Variants in ANKRD30BL observed in about 807,000 individuals in gnomAD.
ANKRD30BL encodes putative ankyrin repeat domain-containing protein 30B-like.
A neutral mutation model predicts 18.4 loss-of-function variants in ANKRD30BL; 20 were observed. The ratio of observed to expected loss-of-function variants is 1.09; its 90% CI spans 0.77 to 1.58. The LOEUF is 1.58. ANKRD30BL is among the 40% of genes most tolerant of loss of function. ANKRD30BL has a pLI of 0.00. For synonymous variants in ANKRD30BL, 72 were observed against 100.9 expected, an observed-to-expected ratio of 0.71 and a Z score of 1.72; for missense variants, 224 against 268.6, an observed-to-expected ratio of 0.83 and a Z score of 1.16.
intron 1 of ANKRD30BL, among the ~76,000 whole-genome samples, chr2:132,245,473 A>G (rs1036196727): frequency 2.5e-4 from 38 of 151,148 alleles, no homozygotes; most frequent in Non-Finnish European, 1.8e-4. Context: ...AAGCATTCTC[A>G]GAAACTGCTT....
chr2:132,187,191 T>TTG (rs1688579224), intron 1 of ANKRD30BL, among the ~76,000 whole-genome samples: 1 of 135,946 alleles, frequency 7.4e-6, no homozygotes, highest in Non-Finnish European at 1.6e-5. Flanking sequence ...TTTGTTTGTT[T>TTG]TTTTTTTTTT....
chr2:132,154,057 A>T (rs1475130760), intron 4 of ANKRD30BL, among the ~76,000 whole-genome samples: 1 of 152,156 alleles, frequency 6.6e-6, no homozygotes, highest in Non-Finnish European at 1.5e-5. Flanking sequence ...AGCAATCTGA[A>T]GACTTAAAAC....
chr2:132,221,593 T>G (rs1488060591), intron 1 of ANKRD30BL, among the ~76,000 whole-genome samples: 2 of 96,042 alleles, frequency 2.1e-5, no homozygotes. Flanking sequence ...GGGAGGGAGG[T>G]GGGGGGATCA....
At chr2:132,157,216 C>T in intron 2 of ANKRD30BL, 70 bp from the exon 3 acceptor site, 1 of 1,150,938 alleles carries the variant, frequency 8.7e-7, no homozygotes, top group Non-Finnish European at 1.2e-6. Context: ...ACAGGTTTCA[C>T]AAACCAGTTA....
intron 1 of ANKRD30BL, among the ~76,000 whole-genome samples, chr2:132,186,033 C>T (rs1432062814): frequency 6.6e-6 from 1 of 151,130 alleles, no homozygotes; most frequent in African/African-American, 2.4e-5. Context: ...CCCACCTGCT[C>T]GGGAGGCTGA....
At chr2:132,174,221 A>G (rs867417092) in intron 1 of ANKRD30BL, among the ~76,000 whole-genome samples, 1 of 152,244 alleles carries the variant, frequency 6.6e-6, no homozygotes, top group African/African-American at 2.4e-5. Context: ...GTAGGCTTTC[A>G]TGAAATGATT....
At chr2:132,170,849 T>G (rs959637500) in intron 1 of ANKRD30BL, among the ~76,000 whole-genome samples, 3 of 152,108 alleles carry the variant, frequency 2.0e-5, no homozygotes, top group African/African-American at 7.2e-5. Flanking sequence ...AACTTTTTCT[T>G]TTTTTTGATT....
At chr2:132,152,664 G>A (rs565019471) in intron 4 of ANKRD30BL, 1 of 152,240 alleles carries the variant, frequency 6.6e-6, no homozygotes, top group East Asian at 1.9e-4. Flanking sequence ...TAAAGGGCCA[G>A]GGATATAGAT....
chr2:132,236,505 C>G (rs1321117032), intron 1 of ANKRD30BL, among the ~76,000 whole-genome samples: 3 of 151,994 alleles, frequency 2.0e-5, no homozygotes, highest in African/African-American at 2.4e-5. Flanking sequence ...ATTTATGCAG[C>G]CAAAAAACAC....
chr2:132,224,258 G>A (rs1426037454), intron 1 of ANKRD30BL, among the ~76,000 whole-genome samples: 1 of 151,704 alleles, frequency 6.6e-6, no homozygotes, highest in Non-Finnish European at 1.5e-5. Flanking sequence ...GAATCTGCAA[G>A]TGGACATTTG....
chr2:132,198,622 C>CT (rs1198235501), intron 1 of ANKRD30BL, among the ~76,000 whole-genome samples: 1,518 of 138,040 alleles, frequency 0.011, 21 homozygotes, highest in African/African-American at 0.034. Context: ...AGCGCCCAGC[C>CT]TTTTTTTTTT....
chr2:132,195,332 A>G (rs1217676111), intron 1 of ANKRD30BL, among the ~76,000 whole-genome samples: 1 of 152,158 alleles, frequency 6.6e-6, no homozygotes, highest in African/African-American at 2.4e-5. Context: ...GTGCAAAAAT[A>G]TTACAAAACA....
At chr2:132,222,319 C>T (rs570161940) in intron 1 of ANKRD30BL, among the ~76,000 whole-genome samples, 3 of 152,268 alleles carry the variant, frequency 2.0e-5, no homozygotes, top group South Asian at 2.1e-4. Context: ...CCGGCCATGA[C>T]CCCGTCTGGG....
Position 132,212,754 on chromosome 2 carries a change from T to G in ANKRD30BL, n.441+44775A>C, listed in dbSNP as rs186076423. Among the ~76,000 whole-genome samples, 658 of 152,074 alleles carry G rather than the reference T, an allele frequency of 4.3e-3. 5 individuals are homozygous for G. Among genetic ancestry groups the G allele is most frequent in the African/African-American group, 0.014 (601 of 41,552 alleles). On this transcript the variant is annotated intron_variant and non_coding_transcript_variant, in intron 1 of 4. Coordinates refer to the ANKRD30BL transcript ENST00000470729. ...TCTTTGAAAAACTCTTTTTGTAGAC[T>G]CTGCAAGTGGACATTTGGAGCTCTT...
At chr2:132,198,343 A>T (rs868798963) in intron 1 of ANKRD30BL, among the ~76,000 whole-genome samples, 1,742 of 34,670 alleles carry the variant, frequency 0.05, 129 homozygotes, top group African/African-American at 0.15. Context: ...TTTTTTTTTT[A>T]GACAGAGTCT....
At chr2:132,194,135 C>T (rs1452454614) in intron 1 of ANKRD30BL, among the ~76,000 whole-genome samples, 1 of 152,156 alleles carries the variant, frequency 6.6e-6, no homozygotes, top group Non-Finnish European at 1.5e-5. Context: ...CTCCCCCTCA[C>T]ACGACTGGGC....
chr2:132,180,816 T>C (rs917515557), intron 1 of ANKRD30BL, among the ~76,000 whole-genome samples: 11 of 152,196 alleles, frequency 7.2e-5, no homozygotes, highest in African/African-American at 2.7e-4. Flanking sequence ...TCAAAAATCT[T>C]TAACATAAAA....
Position 132,239,412 on chromosome 2 carries a change from G to C in ANKRD30BL, n.441+18117C>G, listed in dbSNP as rs577178130. ...CAGTTTTGAAACACTCTTTTTGTAGGATCTGTAAGTGGAATCTTGAATCGC... is the reference window on the plus strand; with the variant it reads ...CAGTTTTGAAACACTCTTTTTGTAGCATCTGTAAGTGGAATCTTGAATCGC... On this transcript the variant is annotated intron_variant and non_coding_transcript_variant, in intron 1 of 4. Coordinates refer to the ANKRD30BL transcript ENST00000470729. Among the ~76,000 whole-genome samples, 10 of 150,956 alleles carry C rather than the reference G, an allele frequency of 6.6e-5. No individual in the cohort carries two copies. In the South Asian group the frequency reaches 2.1e-3, roughly 32 times the overall value.
intron 1 of ANKRD30BL, among the ~76,000 whole-genome samples, chr2:132,220,819 C>A (rs1354212535): frequency 6.6e-6 from 1 of 151,556 alleles, no homozygotes; most frequent in Admixed American, 6.6e-5. Flanking sequence ...CTCTGCCTGG[C>A]CGCCCATCGT....
Sources: allele counts gnomAD v4.1 joint callset (sites outside exome capture counted in the v4.1 genomes callset), GRCh38; gene constraint gnomAD v4.1.1; transcripts MANE v1.5; gene names NCBI Gene and HGNC (gene_info 2026-07-23, HGNC 2026-07-21).